Variants in PRR16 observed in about 807,000 individuals in gnomAD.
PRR16 encodes protein Largen.
A neutral mutation model predicts 18.2 loss-of-function variants in PRR16; 6 were observed. The observed-to-expected ratio is 0.33, with a 90% CI of 0.18 to 0.65. The LOEUF (loss-of-function observed/expected upper bound fraction) is 0.65. Ranked by LOEUF, PRR16 falls within the 30% of genes least tolerant of loss-of-function variation. PRR16 has a pLI of 0.74. For missense variants in PRR16, 412 were observed against 376.6 expected (o/e 1.09, Z -0.78); for synonymous variants, 151 against 147.8 (o/e 1.02, Z -0.16).
intron 1 of PRR16, among the ~76,000 whole-genome samples, chr5:120,663,833 A>G (rs1228476123): frequency 6.6e-6 from 1 of 152,172 alleles, no homozygotes; most frequent in Non-Finnish European, 1.5e-5. Flanking sequence ...CTTGTAATAG[A>G]AAGTTCCTCA....
chr5:120,563,315 G>T (rs762060025), intron 1 of PRR16, among the ~76,000 whole-genome samples: 1 of 152,170 alleles, frequency 6.6e-6, no homozygotes, highest in Non-Finnish European at 1.5e-5. Context: ...GACATTTGTG[G>T]ACTTCCCTTC....
chr5:120,664,895 T>G (rs1414054967), intron 1 of PRR16, among the ~76,000 whole-genome samples: 2 of 151,738 alleles, frequency 1.3e-5, no homozygotes, highest in Non-Finnish European at 2.9e-5. Flanking sequence ...TTTGCTATTG[T>G]GAATAGTGCC....
chr5:120,686,153 C>G lies in PRR16; in HGVS notation c.359C>G (p.Pro120Arg). 1 of 1,614,136 alleles carries G rather than the reference C, an allele frequency of 6.2e-7. No homozygotes were observed. Among genetic ancestry groups the G allele is most frequent in the Non-Finnish European group, 8.5e-7 (1 of 1,180,002 alleles). ...GCTATCCTCACGGTCCTGAGAAAGCCAAACCCTCCACCACCTCCTCCAAGG... is the reference window on the plus strand; with the variant it reads ...GCTATCCTCACGGTCCTGAGAAAGCGAAACCCTCCACCACCTCCTCCAAGG... The part of the protein sequence containing the change: ...PSAILTVLRK[P>R]NPPPPPPRLT... Residue 120 changes from proline (P) to arginine (R), a missense_variant, in exon 2 of 2, where the codon CCA (proline) becomes CGA (arginine). Coordinates refer to ENST00000407149, the MANE Select transcript of PRR16 (RefSeq NM_001300783.2).
chr5:120,553,811 C>G (rs906701731), intron 1 of PRR16, among the ~76,000 whole-genome samples: 1 of 151,524 alleles, frequency 6.6e-6, no homozygotes, highest in Non-Finnish European at 1.5e-5. Flanking sequence ...ATATTATTAC[C>G]AATGGAAAAA....
In PRR16 at chr5:120,621,511, T is replaced by A. The variant is rs77421023; in HGVS notation, c.160-64443T>A. 4.2e-3 allele frequency among the ~76,000 whole-genome samples: 644 copies of A among 152,236 alleles called. 3 individuals are homozygous for A. Among genetic ancestry groups the A allele is most frequent in the African/African-American group, 0.015 (617 of 41,538 alleles). ...TTTTGGGTCTCAAGCTCATTTCCAC[T>A]TGATAAAATTAGGCTTTGCATCCCA... On this transcript the variant is annotated intron_variant, in intron 1 of 1. Coordinates refer to ENST00000407149, the MANE Select transcript of PRR16 (RefSeq NM_001300783.2).
At chr5:120,594,717 GC>G (rs1243533208) in intron 1 of PRR16, among the ~76,000 whole-genome samples, 5 of 152,194 alleles carry the variant, frequency 3.3e-5, no homozygotes, top group Non-Finnish European at 7.4e-5. Flanking sequence ...ACACTATAGG[GC>G]TACAGTAGCC....
chr5:120,764,604 A>G, the PRR16 span, among the ~76,000 whole-genome samples: 1 of 152,076 alleles, frequency 6.6e-6, no homozygotes, highest in African/African-American at 2.4e-5. Context: ...TGGATAACAT[A>G]CGATGAAGAT....
At chr5:120,594,228 G>A (rs891913287) in intron 1 of PRR16, among the ~76,000 whole-genome samples, 2 of 151,992 alleles carry the variant, frequency 1.3e-5, no homozygotes, top group African/African-American at 4.8e-5. Context: ...ATTTGCAGAT[G>A]AAATGATTCT....
At chr5:120,548,407 A>G (rs945370656) in intron 1 of PRR16, among the ~76,000 whole-genome samples, 3 of 152,076 alleles carry the variant, frequency 2.0e-5, no homozygotes, top group Non-Finnish European at 4.4e-5. Flanking sequence ...CTTTGAGCAA[A>G]TTTTTAGAAC....
chr5:120,762,561 G>A, the PRR16 span, among the ~76,000 whole-genome samples: 19 of 152,112 alleles, frequency 1.2e-4, no homozygotes, highest in Non-Finnish European at 2.6e-4. Context: ...CTGGGCTCAA[G>A]CAATCTTGGC....
At chr5:120,747,670 G>T in the PRR16 span, among the ~76,000 whole-genome samples, 3 of 152,038 alleles carry the variant, frequency 2.0e-5, no homozygotes, top group Non-Finnish European at 4.4e-5. Flanking sequence ...TTAGTCAAAA[G>T]CAAGAGGTAC....
At chr5:120,747,523 G>T in the PRR16 span, among the ~76,000 whole-genome samples, 4 of 152,154 alleles carry the variant, frequency 2.6e-5, no homozygotes, top group African/African-American at 9.7e-5. Flanking sequence ...TCAAGGTGTT[G>T]TAAGATGGCC....
At chr5:120,528,342 A>G (rs977810261) in intron 1 of PRR16, among the ~76,000 whole-genome samples, 8 of 152,152 alleles carry the variant, frequency 5.3e-5, no homozygotes, top group African/African-American at 1.7e-4. Flanking sequence ...ATTTGGTGTT[A>G]CCTTACGAAG....
the PRR16 span, among the ~76,000 whole-genome samples, chr5:120,717,967 CT>C: frequency 1.3e-5 from 2 of 152,070 alleles, no homozygotes; most frequent in Non-Finnish European, 2.9e-5. Flanking sequence ...TAATATTCTG[CT>C]TTTTTCCCTC....
chr5:120,615,505 T>G (rs1754480832), intron 1 of PRR16, among the ~76,000 whole-genome samples: 1 of 151,714 alleles, frequency 6.6e-6, no homozygotes, highest in African/African-American at 2.4e-5. Flanking sequence ...TTTTTGCTTT[T>G]CTGCTTCAGC....
the PRR16 span, among the ~76,000 whole-genome samples, chr5:120,703,619 T>C: frequency 6.6e-6 from 1 of 152,248 alleles, no homozygotes; most frequent in Non-Finnish European, 1.5e-5. Flanking sequence ...CTTTATTGAT[T>C]ATCTTTTCCT....
At chr5:120,719,708 A>G in the PRR16 span, among the ~76,000 whole-genome samples, 1 of 152,076 alleles carries the variant, frequency 6.6e-6, no homozygotes, top group African/African-American at 2.4e-5. Context: ...ACTTTAATTT[A>G]AATTTTCTAT....
the PRR16 span, among the ~76,000 whole-genome samples, chr5:120,776,618 GA>G: frequency 1.3e-5 from 2 of 152,020 alleles, no homozygotes; most frequent in African/African-American, 2.4e-5. Context: ...TTCATGTATA[GA>G]ATACAATACC....
At chr5:120,723,627 G>A in the PRR16 span, among the ~76,000 whole-genome samples, 2 of 151,800 alleles carry the variant, frequency 1.3e-5, no homozygotes, top group Non-Finnish European at 2.9e-5. Flanking sequence ...TAAGACTCTT[G>A]ATTTTCACAA....
Sources: allele counts gnomAD v4.1 joint callset (sites outside exome capture counted in the v4.1 genomes callset), GRCh38; gene constraint gnomAD v4.1.1; transcripts MANE v1.5; gene names NCBI Gene and HGNC (gene_info 2026-07-23, HGNC 2026-07-21).